UBE3C: variants seen among roughly 807,000 people sequenced by gnomAD.
UBE3C encodes ubiquitin-protein ligase E3C.
In UBE3C, 42 loss-of-function variants were observed where a neutral mutation model predicts 129.4. The ratio of observed to expected loss-of-function variants is 0.32; its 90% CI spans 0.25 to 0.42. The LOEUF (loss-of-function observed/expected upper bound fraction) is 0.42, where lower values mean the gene tolerates loss of function less well. Among genes scored for constraint, UBE3C ranks in the 10% least tolerant of loss-of-function variants. The probability of loss-of-function intolerance (pLI) is 1.00; values close to 1 mark genes in which losing one functional copy is unlikely to be tolerated. For missense variants in UBE3C, 1,049 were observed against 1,319.1 expected (o/e 0.80, Z 3.17); for synonymous variants, 510 against 492.4 (o/e 1.04, Z -0.47).
chr7:157,190,864 T>G (rs1808942713), intron 10 of UBE3C, among the ~76,000 whole-genome samples: 3 of 152,228 alleles, frequency 2.0e-5, no homozygotes, highest in Admixed American at 6.5e-5. Context: ...ATCTTGCATT[T>G]TCTTGATCCC....
At chr7:157,248,950 C>T (rs1796551307) in intron 19 of UBE3C, among the ~76,000 whole-genome samples, 1 of 152,218 alleles carries the variant, frequency 6.6e-6, no homozygotes. Flanking sequence ...TCAGAGCCAC[C>T]TCAGCTGCTC....
intron 11 of UBE3C, 104 bp downstream of exon 11, chr7:157,201,911 C>A: frequency 1.1e-6 from 1 of 890,002 alleles, no homozygotes; most frequent in Non-Finnish European, 1.7e-6. Flanking sequence ...TTATACTGGG[C>A]TTATTTCATA....
At chr7:157,209,224 C>G (rs1311982072) in intron 13 of UBE3C, among the ~76,000 whole-genome samples, 1 of 152,214 alleles carries the variant, frequency 6.6e-6, no homozygotes, top group African/African-American at 2.4e-5. Flanking sequence ...GAGTCTCTCT[C>G]CAGCCCGTTC....
At chr7:157,144,065 C>T (rs933883279) in intron 1 of UBE3C, among the ~76,000 whole-genome samples, 1 of 152,126 alleles carries the variant, frequency 6.6e-6, no homozygotes, top group African/African-American at 2.4e-5. Flanking sequence ...GTGATTTGAG[C>T]ATATTCTGTA....
At chr7:157,139,663 G>A (rs953519870) in intron 1 of UBE3C, among the ~76,000 whole-genome samples, 1 of 152,248 alleles carries the variant, frequency 6.6e-6, no homozygotes, top group Non-Finnish European at 1.5e-5. Context: ...GGGCGCGCTG[G>A]CCGTGGCTCC....
chr7:157,181,687 A>G lies in UBE3C; in HGVS notation c.770+16A>G. ...AAGGTGCGAGGTGAGACTGGAATGG[A>G]TTTATTGATTTTGTCCTTTCACAAG... On this transcript the variant is annotated intron_variant, in intron 7 of 22. Coordinates refer to ENST00000348165, the MANE Select transcript of UBE3C (RefSeq NM_014671.3). 6.2e-7 allele frequency: 1 copy of G among 1,609,356 alleles called. No homozygotes were observed. Among genetic ancestry groups the G allele is most frequent in the East Asian group, 2.2e-5 (1 of 44,708 alleles).
intron 17 of UBE3C, among the ~76,000 whole-genome samples, chr7:157,230,692 C>G (rs1795998964): frequency 1.1e-5 from 1 of 93,386 alleles, no homozygotes; most frequent in Non-Finnish European, 2.3e-5. Flanking sequence ...CAGACCCCGT[C>G]TCAAAAAAAA....
intron 18 of UBE3C, among the ~76,000 whole-genome samples, chr7:157,239,293 A>G (rs1427868292): frequency 1.3e-5 from 2 of 152,238 alleles, no homozygotes; most frequent in African/African-American, 4.8e-5. Flanking sequence ...TCAAAATGGT[A>G]TGAGTGAACG....
Position 157,267,573 on chromosome 7 carries a change from G to T in UBE3C, c.3082-12G>T. On this transcript the variant is annotated splice_polypyrimidine_tract_variant and intron_variant, in intron 22 of 22. Coordinates refer to ENST00000348165, the MANE Select transcript of UBE3C (RefSeq NM_014671.3). ...TGTTACAGTGACATCTTGCACACAT[G>T]CTGTTTTTCAGGAGTTGTATCCCGC... The T allele has an allele frequency of 6.2e-7, 1 of 1,612,708 alleles. No individual in the cohort carries two copies. The highest frequency in any genetic ancestry group is 8.5e-7 in the Non-Finnish European group (1 of 1,179,504).
chr7:157,233,088 T>A (rs955519093), intron 18 of UBE3C, among the ~76,000 whole-genome samples: 2 of 150,128 alleles, frequency 1.3e-5, no homozygotes, highest in African/African-American at 2.4e-5. Flanking sequence ...CTAGTCTACT[T>A]TCAGTCTGTA....
At chr7:157,231,502 G>T in intron 18 of UBE3C, 175 bp downstream of exon 18, 1 of 859,978 alleles carries the variant, frequency 1.2e-6, no homozygotes, top group Non-Finnish European at 1.7e-6. Context: ...TAGGTGCTAT[G>T]GTTTGAATGT....
rs1003532341 is a variant in UBE3C at position 157,241,560 on chromosome 7, C to T, written c.2482-6808C>T. Among the ~76,000 whole-genome samples the T allele has an allele frequency of 5.8e-4, 89 of 152,202 alleles. 1 individual carries two copies. The highest frequency in any genetic ancestry group is 2.0e-3 in the African/African-American group (83 of 41,450). On this transcript the variant is annotated intron_variant, in intron 18 of 22. Coordinates refer to ENST00000348165, the MANE Select transcript of UBE3C (RefSeq NM_014671.3). ...ACGGCGGGAATCAAACCAGGAACCG[C>T]AGGGTTGGTGAGGATGTGGAGGAAT...
chr7:157,215,351 A>G (rs1199517195), intron 13 of UBE3C, among the ~76,000 whole-genome samples: 1 of 152,026 alleles, frequency 6.6e-6, no homozygotes, highest in Non-Finnish European at 1.5e-5. Flanking sequence ...TAAAATAAGC[A>G]TTTGTATTTC....
chr7:157,187,710 G>A (rs1164742554), intron 10 of UBE3C, among the ~76,000 whole-genome samples: 1 of 151,880 alleles, frequency 6.6e-6, no homozygotes, highest in Non-Finnish European at 1.5e-5. Flanking sequence ...CCGAGTAGCT[G>A]GGACTACAGG....
At chr7:157,260,929 C>A (rs1428323516) in intron 22 of UBE3C, among the ~76,000 whole-genome samples, 2 of 152,154 alleles carry the variant, frequency 1.3e-5, no homozygotes, top group Non-Finnish European at 2.9e-5. Flanking sequence ...CCTCCGGGTT[C>A]GTGCATGGCC....
Position 157,268,527 on chromosome 7 carries a change from C to G in UBE3C, c.*772C>G, listed in dbSNP as rs944813505. On this transcript the variant is annotated 3_prime_UTR_variant, in exon 23 of 23. Coordinates refer to ENST00000348165, the MANE Select transcript of UBE3C (RefSeq NM_014671.3). ...ACTGCAACATCTGTCACCCACTATACCCAGTTACTTGGGGGAGGACAGACA... is the reference window on the plus strand; with the variant it reads ...ACTGCAACATCTGTCACCCACTATAGCCAGTTACTTGGGGGAGGACAGACA... 1 of 152,604 alleles carries G rather than the reference C, an allele frequency of 6.6e-6. No individual in the cohort carries two copies. Among genetic ancestry groups the G allele is most frequent in the Non-Finnish European group, 1.5e-5 (1 of 68,056 alleles). 9.5% of individuals were successfully genotyped at this position (152,604 alleles called of 1,614,324 possible). A position where few individuals can be genotyped will look rare whatever the true frequency, so the allele number is the denominator to read the frequency against.
intron 1 of UBE3C, 62 bp downstream of exon 1, chr7:157,139,400 G>GCGACTCGGGGTT (rs1807360530): frequency 3.4e-5 from 40 of 1,186,840 alleles, no homozygotes; most frequent in Non-Finnish European, 4.1e-5. Context: ...GCTCGGGGCT[G>GCGACTCGGGGTT]GGACTCGGGG....
At chr7:157,177,293 GCT>G (rs1387012440) in intron 5 of UBE3C, among the ~76,000 whole-genome samples, 1 of 152,148 alleles carries the variant, frequency 6.6e-6, no homozygotes, top group African/African-American at 2.4e-5. Flanking sequence ...CACTCAGATG[GCT>G]CTTTTTCAAG....
chr7:157,182,482 TC>T (rs1808692879), intron 8 of UBE3C, among the ~76,000 whole-genome samples, 154 bp downstream of exon 8: 1 of 152,146 alleles, frequency 6.6e-6, no homozygotes, highest in Non-Finnish European at 1.5e-5. Context: ...GGCAGTGTGT[TC>T]CTGGGGACAG....
Sources: gnomAD v4.1 joint callset for allele counts (sites outside exome capture counted in the v4.1 genomes callset) on GRCh38, gnomAD v4.1.1 for gene constraint, MANE v1.5 for transcripts, NCBI Gene and HGNC (gene_info 2026-07-23, HGNC 2026-07-21) for gene names.